PPP1R9A: variants seen among roughly 807,000 people sequenced by gnomAD.
PPP1R9A encodes the protein protein phosphatase 1 regulatory subunit 9A, also known as neurabin-1.
A neutral mutation model predicts 141.9 loss-of-function variants in PPP1R9A; 59 were observed. The observed-to-expected ratio is 0.42, with a 90% CI of 0.34 to 0.52. PPP1R9A has a LOEUF of 0.52. Among genes scored for constraint, PPP1R9A ranks in the 20% least tolerant of loss-of-function variants. The pLI is 0.10. For synonymous variants in PPP1R9A, 500 were observed against 569.7 expected (o/e 0.88, Z 1.74); for missense variants, 1,444 against 1,611.9 (o/e 0.90, Z 1.78).
intron 2 of PPP1R9A, among the ~76,000 whole-genome samples, chr7:94,985,988 G>GT (rs1398429788): frequency 6.6e-6 from 1 of 152,154 alleles, no homozygotes; most frequent in African/African-American, 2.4e-5. Flanking sequence ...GATATTCAGT[G>GT]TAAGTGAGTT....
chr7:95,114,886 C>T (rs998173675), intron 3 of PPP1R9A, among the ~76,000 whole-genome samples: 10 of 123,812 alleles, frequency 8.1e-5, no homozygotes, highest in African/African-American at 1.6e-4. Context: ...TTAAAAAGTC[C>T]GTCTCAAAAA....
chr7:94,972,491 A>C (rs1212134460), intron 2 of PPP1R9A, among the ~76,000 whole-genome samples: 1 of 151,426 alleles, frequency 6.6e-6, no homozygotes, highest in Non-Finnish European at 1.5e-5. Context: ...CTCAGCTGGT[A>C]TGATGGTTCT....
At chr7:95,280,923 A>G (rs74832923) in intron 16 of PPP1R9A, among the ~76,000 whole-genome samples, 1 of 152,198 alleles carries the variant, frequency 6.6e-6, no homozygotes, top group African/African-American at 2.4e-5. Flanking sequence ...AATAGACTAT[A>G]AGAGTGGTCA....
At chr7:95,254,258 A>T (rs1051526509) in intron 12 of PPP1R9A, among the ~76,000 whole-genome samples, 1 of 152,304 alleles carries the variant, frequency 6.6e-6, no homozygotes, top group East Asian at 1.9e-4. Flanking sequence ...TTTTGCTGTG[A>T]GGACAGTCAG....
chr7:95,253,806 A>G (rs1005455398), intron 12 of PPP1R9A, among the ~76,000 whole-genome samples: 1 of 152,106 alleles, frequency 6.6e-6, no homozygotes, highest in African/African-American at 2.4e-5. Flanking sequence ...GAATCAAACC[A>G]AATTTTTTAC....
chr7:95,112,414 A>T (rs1045016343), intron 3 of PPP1R9A, among the ~76,000 whole-genome samples: 2 of 152,160 alleles, frequency 1.3e-5, no homozygotes, highest in African/African-American at 4.8e-5. Flanking sequence ...AAAACAGCAG[A>T]TGTTAGCAAG....
intron 10 of PPP1R9A, among the ~76,000 whole-genome samples, chr7:95,250,960 A>G (rs1798793420): frequency 6.6e-6 from 1 of 152,184 alleles, no homozygotes; most frequent in South Asian, 2.1e-4. Context: ...GTTAGAACAA[A>G]TAAGTAGTAC....
rs908363420 is a variant in PPP1R9A at position 95,254,084 on chromosome 7, C to T, written c.2665+1954C>T. ...ATCTGAACCCTTTTTCTATTCTACA[C>T]CCTCCATTTTGCCACATAATTATCA... On this transcript the variant is annotated intron_variant, in intron 12 of 19. Transcript: ENST00000433360. Among the ~76,000 whole-genome samples the T allele has an allele frequency of 3.3e-5, 5 of 152,100 alleles. No individual in the cohort carries two copies. In the East Asian group the frequency reaches 9.7e-4, roughly 29 times the overall value.
chr7:95,115,568 A>G (rs1443293686), intron 3 of PPP1R9A, among the ~76,000 whole-genome samples: 2 of 152,132 alleles, frequency 1.3e-5, no homozygotes, highest in Non-Finnish European at 2.9e-5. Context: ...TACAACTACA[A>G]TTGTGAATAT....
At chr7:95,281,674 G>A (rs1193206092) in intron 16 of PPP1R9A, among the ~76,000 whole-genome samples, 3 of 152,148 alleles carry the variant, frequency 2.0e-5, no homozygotes, top group Non-Finnish European at 4.4e-5. Flanking sequence ...ATGACCACAA[G>A]TAGAAAACAA....
chr7:94,961,510 G>A (rs1797640449), intron 2 of PPP1R9A, among the ~76,000 whole-genome samples: 1 of 151,692 alleles, frequency 6.6e-6, no homozygotes, highest in Non-Finnish European at 1.5e-5. Context: ...AGACTGTGAG[G>A]TTCCTTATAT....
chr7:95,218,041 T>C (rs1793769897), intron 7 of PPP1R9A, among the ~76,000 whole-genome samples: 1 of 152,212 alleles, frequency 6.6e-6, no homozygotes, highest in African/African-American at 2.4e-5. Flanking sequence ...CTTGCTTCTC[T>C]AGTTCTTTTA....
At chr7:95,086,938 T>A (rs924707005) in intron 2 of PPP1R9A, among the ~76,000 whole-genome samples, 7 of 151,828 alleles carry the variant, frequency 4.6e-5, no homozygotes, top group African/African-American at 1.2e-4. Flanking sequence ...ATCCTAGCAC[T>A]TTGGGAGGCT....
At chr7:95,151,939 A>ATTTTTTTT (rs1563319181) in intron 4 of PPP1R9A, among the ~76,000 whole-genome samples, 15 of 116,054 alleles carry the variant, frequency 1.3e-4, no homozygotes, top group African/African-American at 2.7e-4. Flanking sequence ...AGTACTGAGA[A>ATTTTTTTT]TCTTTTTTTT....
intron 2 of PPP1R9A, among the ~76,000 whole-genome samples, chr7:95,085,645 C>A (rs1025091569): frequency 6.6e-6 from 1 of 151,490 alleles, no homozygotes; most frequent in Non-Finnish European, 1.5e-5. Context: ...CAACTCCTGA[C>A]CTCAAGTGAT....
At chr7:95,209,187 T>C (rs1182129753) in intron 7 of PPP1R9A, among the ~76,000 whole-genome samples, 1 of 152,200 alleles carries the variant, frequency 6.6e-6, no homozygotes, top group African/African-American at 2.4e-5. Flanking sequence ...GTATTTAATA[T>C]AATTTAAAAT....
chr7:95,037,716 TGTGC>T (rs1008776771), intron 2 of PPP1R9A, among the ~76,000 whole-genome samples: 1 of 152,150 alleles, frequency 6.6e-6, no homozygotes, highest in African/African-American at 2.4e-5. Flanking sequence ...CGCGTGTGTG[TGTGC>T]GTGCACACAC....
chr7:95,256,694 C>A (rs1249339861), intron 12 of PPP1R9A, among the ~76,000 whole-genome samples: 1 of 151,998 alleles, frequency 6.6e-6, no homozygotes, highest in Non-Finnish European at 1.5e-5. Flanking sequence ...TCAAAATTTT[C>A]ATTATTCACT....
intron 2 of PPP1R9A, among the ~76,000 whole-genome samples, chr7:95,008,485 C>T (rs1803932784): frequency 6.6e-6 from 1 of 152,154 alleles, no homozygotes; most frequent in African/African-American, 2.4e-5. Flanking sequence ...CAAATCCACA[C>T]TTTAATGGCT....
Sources: allele counts gnomAD v4.1 joint callset (sites outside exome capture counted in the v4.1 genomes callset), GRCh38; gene constraint gnomAD v4.1.1; transcripts MANE v1.5; gene names NCBI Gene and HGNC (gene_info 2026-07-23, HGNC 2026-07-21).